The following CSMD1 variants were observed in gnomAD, a reference collection of about 807,000 sequenced individuals.
The protein encoded by CSMD1 is CUB and Sushi multiple domains 1.
CSMD1 carries 213 observed loss-of-function variants against 417.5 expected under a neutral mutation model. That is an observed-to-expected ratio of 0.51 (90% CI 0.46 to 0.57). The LOEUF is 0.57. Among genes scored for constraint, CSMD1 ranks in the 20% least tolerant of loss-of-function variants. The pLI is 0.00. For synonymous variants in CSMD1, 2,862 were observed against 1,736.8 expected (o/e 1.65, Z -16.11); for missense variants, 6,923 against 4,529.7 (o/e 1.53, Z -15.17).
intron 3 of CSMD1, among the ~76,000 whole-genome samples, chr8:4,253,763 A>G (rs1003767039): frequency 6.6e-6 from 1 of 152,070 alleles, no homozygotes; most frequent in African/African-American, 2.4e-5. Flanking sequence ...ACTTGAAAAA[A>G]AAAACAGCTG....
intron 22 of CSMD1, among the ~76,000 whole-genome samples, chr8:3,346,777 T>A (rs535529200): frequency 6.6e-6 from 1 of 152,222 alleles, no homozygotes; most frequent in Non-Finnish European, 1.5e-5. Flanking sequence ...AGAAGTCTCA[T>A]AGTTCAAAGT....
At chr8:2,946,580 T>C (rs1802254782) in intron 68 of CSMD1, among the ~76,000 whole-genome samples, 1 of 152,228 alleles carries the variant, frequency 6.6e-6, no homozygotes, top group Non-Finnish European at 1.5e-5. Flanking sequence ...TTTATTCTTC[T>C]TCAGTGCTGA....
At position 4,083,850 on chromosome 8, in the gene CSMD1, T is replaced by C. The variant is rs1800276590; in HGVS notation, c.416-51751A>G. ...GCCAAAATTGACAAATGGGATCTAATTAAACTAAAGAGCTTCTGCACAGCA... is the reference window on the plus strand; with the variant it reads ...GCCAAAATTGACAAATGGGATCTAACTAAACTAAAGAGCTTCTGCACAGCA... On this transcript the variant is annotated intron_variant, in intron 3 of 69. Coordinates refer to ENST00000635120, the MANE Select transcript of CSMD1 (RefSeq NM_033225.6). 3.3e-5 allele frequency among the ~76,000 whole-genome samples: 5 copies of C among 152,112 alleles called. 1 individual carries two copies. In the South Asian group the frequency reaches 8.3e-4, roughly 25 times the overall value.
chr8:3,262,184 AAT>A (rs201972449), intron 26 of CSMD1, among the ~76,000 whole-genome samples: 2,077 of 62,760 alleles, frequency 0.033, 24 homozygotes, highest in East Asian at 0.076. Context: ...TGCTCATATG[AAT>A]ATATATATAT....
chr8:2,963,318 T>A lies in CSMD1; in HGVS notation c.9358A>T (p.Ser3120Cys). 6.2e-7 allele frequency: 1 copy of A among 1,613,936 alleles called. No homozygotes were observed. The highest frequency in any genetic ancestry group is 1.1e-5 in the South Asian group (1 of 91,078). Reference sequence around the variant, plus strand: ...TGGTAACCGTCCATGCAGCTGTAACTTATGCTGGAGCCCCAGCGGAAATCA... The same window carrying A: ...TGGTAACCGTCCATGCAGCTGTAACATATGCTGGAGCCCCAGCGGAAATCA... ...GSDFRWGSSISYSCMDGYQLS... is the reference protein window; with the variant it reads ...GSDFRWGSSICYSCMDGYQLS... Residue 3120 changes from serine to cysteine, a missense_variant, in exon 60 of 70, where the codon AGT becomes TGT. By Grantham distance (112) the Ser-to-Cys change is moderately radical. Transcript: ENST00000635120.
chr8:3,655,587 G>T (rs985144483), intron 7 of CSMD1, among the ~76,000 whole-genome samples: 1 of 151,634 alleles, frequency 6.6e-6, no homozygotes, highest in Non-Finnish European at 1.5e-5. Context: ...ACTGATGAAT[G>T]CCCGTCCCAC....
chr8:3,788,176 G>A (rs1489127868), intron 5 of CSMD1, among the ~76,000 whole-genome samples: 2 of 152,176 alleles, frequency 1.3e-5, no homozygotes, highest in Admixed American at 1.3e-4. Context: ...GGATTCATGT[G>A]ATACTACATA....
chr8:3,322,329 A>T (rs1806204740), intron 23 of CSMD1, among the ~76,000 whole-genome samples: 1 of 152,188 alleles, frequency 6.6e-6, no homozygotes, highest in Non-Finnish European at 1.5e-5. Context: ...ATTTTACAGT[A>T]TTAGTTAAAT....
At chr8:4,572,865 T>C (rs182268738) in intron 2 of CSMD1, among the ~76,000 whole-genome samples, 1 of 152,334 alleles carries the variant, frequency 6.6e-6, no homozygotes, top group Admixed American at 6.5e-5. Context: ...TTTCATTAAG[T>C]TGATCTTCAA....
intron 1 of CSMD1, among the ~76,000 whole-genome samples, chr8:4,711,822 C>T (rs947361965): frequency 1.3e-5 from 2 of 152,080 alleles, no homozygotes; most frequent in Non-Finnish European, 2.9e-5. Flanking sequence ...AGGTCCCGAA[C>T]CAAGTAGTTT....
chr8:3,413,707 G>C (rs986081844), intron 12 of CSMD1, among the ~76,000 whole-genome samples: 2 of 152,154 alleles, frequency 1.3e-5, no homozygotes, highest in Admixed American at 1.3e-4. Flanking sequence ...ATTCACACAA[G>C]TTTTGCAATT....
chr8:4,043,887 G>C (rs938769296), intron 3 of CSMD1, among the ~76,000 whole-genome samples: 2 of 152,100 alleles, frequency 1.3e-5, no homozygotes, highest in Non-Finnish European at 2.9e-5. Flanking sequence ...ACTCAGTTAA[G>C]ATAACACAGA....
At chr8:4,174,225 G>A (rs564424480) in intron 3 of CSMD1, among the ~76,000 whole-genome samples, 27 of 152,218 alleles carry the variant, frequency 1.8e-4, no homozygotes, top group African/African-American at 5.5e-4. Flanking sequence ...TGAGGACACC[G>A]TCTTGAAAGC....
intron 5 of CSMD1, among the ~76,000 whole-genome samples, chr8:3,811,083 T>G (rs1478125506): frequency 6.6e-6 from 1 of 152,206 alleles, no homozygotes; most frequent in Non-Finnish European, 1.5e-5. Flanking sequence ...CCTGAGATCG[T>G]GATAAAGGTA....
At chr8:4,486,943 T>C (rs1398449388) in intron 2 of CSMD1, among the ~76,000 whole-genome samples, 1 of 152,132 alleles carries the variant, frequency 6.6e-6, no homozygotes, top group Non-Finnish European at 1.5e-5. Context: ...GGCAGGGTCC[T>C]AAATGGTAGC....
In CSMD1 at chr8:4,008,310, A is replaced by G. The variant is rs1816286713; in HGVS notation, c.611-10200T>C. Among the ~76,000 whole-genome samples the G allele has an allele frequency of 1.3e-5, 2 of 152,076 alleles. 1 individual carries two copies. Among genetic ancestry groups the G allele is most frequent in the South Asian group, 4.1e-4 (2 of 4,832 alleles). ...AAAACAAATATAGTTATTCTGTTCA[A>G]TTTTTAGGTGATCTATTAATATAAT... On this transcript the variant is annotated intron_variant, in intron 4 of 69. Coordinates refer to ENST00000635120, the MANE Select transcript of CSMD1 (RefSeq NM_033225.6).
At chr8:4,299,935 C>T (rs1369321066) in intron 3 of CSMD1, among the ~76,000 whole-genome samples, 1 of 152,106 alleles carries the variant, frequency 6.6e-6, no homozygotes, top group East Asian at 1.9e-4. Context: ...GGCCCAGACA[C>T]TATTTTTCAA....
chr8:3,486,911 A>T (rs1037857042), intron 11 of CSMD1, among the ~76,000 whole-genome samples: 1 of 152,172 alleles, frequency 6.6e-6, no homozygotes, highest in Non-Finnish European at 1.5e-5. Context: ...GAGATCTGGC[A>T]ATGTCTGAAC....
At chr8:3,579,923 G>C (rs1387298800) in intron 9 of CSMD1, among the ~76,000 whole-genome samples, 3 of 152,096 alleles carry the variant, frequency 2.0e-5, no homozygotes, top group Non-Finnish European at 4.4e-5. Flanking sequence ...GGCCAACATG[G>C]TGAAACCCTG....
Sources: allele counts gnomAD v4.1 joint callset (sites outside exome capture counted in the v4.1 genomes callset), GRCh38; gene constraint gnomAD v4.1.1; transcripts MANE v1.5; gene names NCBI Gene and HGNC (gene_info 2026-07-23, HGNC 2026-07-21).